IL4: variants seen among roughly 807,000 people sequenced by gnomAD.
IL4 encodes interleukin 4, also known as interleukin-4.
In IL4, 10 loss-of-function variants were observed where a neutral mutation model predicts 17.4. The observed-to-expected ratio is 0.57, with a 90% CI of 0.35 to 0.97. IL4 has a LOEUF of 0.97. IL4 is among the 50% of genes least tolerant of loss of function. The probability of loss-of-function intolerance (pLI) is 0.01; values close to 1 mark genes in which losing one functional copy is unlikely to be tolerated. For synonymous variants in IL4, 87 were observed against 79.0 expected, an observed-to-expected ratio of 1.10 and a Z score of -0.54; for missense variants, 174 against 187.7, an observed-to-expected ratio of 0.93 and a Z score of 0.43.
intron 2 of IL4, among the ~76,000 whole-genome samples, chr5:132,679,042 C>T (rs1222507242): frequency 6.6e-6 from 1 of 152,220 alleles, no homozygotes; most frequent in Non-Finnish European, 1.5e-5. Flanking sequence ...ATCAATGGCA[C>T]CTGCTCCCAG....
chr5:132,681,261 C>G (rs956450535), intron 3 of IL4, among the ~76,000 whole-genome samples: 7 of 152,068 alleles, frequency 4.6e-5, no homozygotes, highest in African/African-American at 1.7e-4. Flanking sequence ...ACCAGTGAGG[C>G]AGGAGAACAC....
rs759572366 is a variant in IL4, at chr5:132,679,760, G to A, written c.230G>A (p.Arg77Gln). 1.2e-5 allele frequency: 19 copies of A among 1,614,006 alleles called. No homozygotes were observed. In the Admixed American group the frequency reaches 2.0e-4, roughly 17 times the overall value. ...TTCTGCAGGGCTGCGACTGTGCTCC[G>A]GCAGTTCTACAGCCACCATGAGAAG... is the stretch of plus-strand genomic sequence containing the variant. ...ETFCRAATVL[R>Q]QFYSHHEKDT... is the part of the protein sequence containing the mutation. The change falls in exon 3 of 4, where the codon CGG becomes CAG. Residue 77 changes from arginine to glutamine, a missense_variant. Coordinates refer to ENST00000231449, the MANE Select transcript of IL4 (RefSeq NM_000589.4).
At chr5:132,679,188 T>C (rs1290226446) in intron 2 of IL4, among the ~76,000 whole-genome samples, 1 of 152,236 alleles carries the variant, frequency 6.6e-6, no homozygotes, top group Non-Finnish European at 1.5e-5. Flanking sequence ...CGGAGAGTGC[T>C]GGCCAAAGCA....
rs199657713 is a variant in IL4 at position 132,679,906 on chromosome 5, T to G, written c.360+16T>G. On this transcript the variant is annotated intron_variant, in intron 3 of 3. Coordinates refer to ENST00000231449, the MANE Select transcript of IL4 (RefSeq NM_000589.4). ...GGCGGGCTTGGTAAGCTGCACTGTA[T>G]TCCTGGCAAGCCGGCCGCGTGGCTC... The G allele has an allele frequency of 1.8e-5, 29 of 1,597,158 alleles. No individual in the cohort carries two copies. In the African/African-American group the frequency reaches 3.8e-4, roughly 21 times the overall value.
chr5:132,675,897 A>G (rs1204922550), intron 2 of IL4, among the ~76,000 whole-genome samples: 9 of 134,050 alleles, frequency 6.7e-5, no homozygotes, highest in African/African-American at 1.5e-4. Context: ...GTGTGTGTAT[A>G]TATATGTGTG....
At chr5:132,676,662 C>T (rs905466624) in intron 2 of IL4, among the ~76,000 whole-genome samples, 1 of 152,130 alleles carries the variant, frequency 6.6e-6, no homozygotes, top group African/African-American at 2.4e-5. Flanking sequence ...TTCTTCCCCT[C>T]GAAGATTCAG....
intron 2 of IL4, among the ~76,000 whole-genome samples, chr5:132,675,329 G>C (rs556965581): frequency 6.6e-6 from 1 of 152,250 alleles, no homozygotes; most frequent in South Asian, 2.1e-4. Flanking sequence ...ATTTCACAGT[G>C]GTCTCCTAAC....
chr5:132,677,296 C>T (rs189361859), intron 2 of IL4, among the ~76,000 whole-genome samples: 12 of 152,240 alleles, frequency 7.9e-5, no homozygotes, highest in African/African-American at 2.6e-4. Flanking sequence ...CTGACATTCC[C>T]GGGAGGGACA....
intron 3 of IL4, among the ~76,000 whole-genome samples, chr5:132,681,022 G>A (rs764713054): frequency 2.6e-5 from 4 of 152,170 alleles, no homozygotes; most frequent in East Asian, 1.9e-4. Flanking sequence ...TTTGTACATC[G>A]TACATGTAAG....
chr5:132,677,206 C>T (rs1019435550), intron 2 of IL4, among the ~76,000 whole-genome samples: 1 of 152,178 alleles, frequency 6.6e-6, no homozygotes, highest in Non-Finnish European at 1.5e-5. Flanking sequence ...TTATATGGTC[C>T]TCAGTGAGGC....
chr5:132,677,590 C>G (rs996681226), intron 2 of IL4, among the ~76,000 whole-genome samples: 2 of 152,180 alleles, frequency 1.3e-5, no homozygotes, highest in African/African-American at 4.8e-5. Context: ...ATCCTTGTTT[C>G]CTTTAGAAAG....
Position 132,682,513 on chromosome 5 carries a change from C to A in IL4, c.388C>A (p.Gln130Lys), listed in dbSNP as rs770304588. The change falls in exon 4 of 4, where the codon CAG (glutamine) becomes AAG (lysine). Residue 130 changes from glutamine to lysine, a missense_variant. Coordinates refer to ENST00000231449, the MANE Select transcript of IL4 (RefSeq NM_000589.4). ...LNSCPVKEAN[Q>K]STLENFLERL... ...TTCCTGTCCTGTGAAGGAAGCCAACCAGAGTACGTTGGAAAACTTCTTGGA... is the reference window on the plus strand; with the variant it reads ...TTCCTGTCCTGTGAAGGAAGCCAACAAGAGTACGTTGGAAAACTTCTTGGA... 1 of 1,609,364 alleles carries A rather than the reference C, an allele frequency of 6.2e-7. No homozygotes were observed. The highest frequency in any genetic ancestry group is 8.5e-7 in the Non-Finnish European group (1 of 1,175,934).
chr5:132,674,386 G>A, intron 1 of IL4, 73 bp from the exon 2 acceptor site: 4 of 1,471,760 alleles, frequency 2.7e-6, no homozygotes, highest in Non-Finnish European at 3.8e-6. Context: ...AGTGAGAGCT[G>A]CTCATCAAGG....
Position 132,682,627 on chromosome 5 carries a change from A to C in IL4, c.*40A>C, listed in dbSNP as rs1752510483. The C allele has an allele frequency of 9.8e-7, 1 of 1,018,790 alleles. No homozygotes were observed. The highest frequency in any genetic ancestry group is 1.5e-5 in the South Asian group (1 of 67,128). The allele number at this position is 1,018,790 out of a possible 1,614,324, so 63.1% of individuals were successfully genotyped here. Reference sequence around the variant, plus strand: ...GAGTTTTTGATAGCTTTATTTTTTAAGTATTTATATATTTATAACTCATCA... The same window carrying C: ...GAGTTTTTGATAGCTTTATTTTTTACGTATTTATATATTTATAACTCATCA... On this transcript the variant is annotated 3_prime_UTR_variant, in exon 4 of 4. Coordinates refer to ENST00000231449, the MANE Select transcript of IL4 (RefSeq NM_000589.4).
At chr5:132,676,917 C>G (rs561253938) in intron 2 of IL4, among the ~76,000 whole-genome samples, 1 of 152,276 alleles carries the variant, frequency 6.6e-6, no homozygotes, top group Non-Finnish European at 1.5e-5. Flanking sequence ...CTGGGCTTCA[C>G]AGGTAACACC....
intron 2 of IL4, among the ~76,000 whole-genome samples, chr5:132,676,824 G>A (rs965232230): frequency 6.6e-6 from 1 of 152,078 alleles, no homozygotes. Flanking sequence ...TTATTTCTTC[G>A]GGGGAACAAG....
At chr5:132,677,228 C>T (rs1752398391) in intron 2 of IL4, among the ~76,000 whole-genome samples, 1 of 152,178 alleles carries the variant, frequency 6.6e-6, no homozygotes, top group African/African-American at 2.4e-5. Flanking sequence ...GGTCAAGAAC[C>T]GAGTTAGAAC....
intron 1 of IL4, 48 bp from the exon 2 acceptor site, chr5:132,674,411 T>C: frequency 6.3e-7 from 1 of 1,583,986 alleles, no homozygotes; most frequent in Non-Finnish European, 8.7e-7. Flanking sequence ...CTCTGTCCGG[T>C]TGGAGGTTAA....
Position 132,676,726 on chromosome 5 carries a change from CA to C in IL4, c.183+2225del, listed in dbSNP as rs1358202216. Among the ~76,000 whole-genome samples the C allele has an allele frequency of 2.6e-5, 4 of 152,188 alleles. No homozygotes were observed. In the East Asian group the frequency reaches 7.7e-4, roughly 29 times the overall value. ...CAGAACAGTGAAATGTTGCTATTTTCAAAAACCTACAAAGGTGGTATGCAGA... is the reference window on the plus strand; with the variant it reads ...CAGAACAGTGAAATGTTGCTATTTTCAAAACCTACAAAGGTGGTATGCAGA... On this transcript the variant is annotated intron_variant, in intron 2 of 3. Transcript: ENST00000231449.
Sources: allele counts gnomAD v4.1 joint callset (sites outside exome capture counted in the v4.1 genomes callset), GRCh38; gene constraint gnomAD v4.1.1; transcripts MANE v1.5; gene names NCBI Gene and HGNC (gene_info 2026-07-23, HGNC 2026-07-21).